The following UBL3 variants were observed in gnomAD, a reference collection of about 807,000 sequenced individuals.
The protein encoded by UBL3 is ubiquitin like 3, also known as ubiquitin-like protein 3.
UBL3 carries 6 observed loss-of-function variants against 18.4 expected under a neutral mutation model. The ratio of observed to expected loss-of-function variants is 0.33; its 90% CI spans 0.18 to 0.64. The LOEUF (loss-of-function observed/expected upper bound fraction) is 0.64. Ranked by LOEUF, UBL3 falls within the 30% of genes least tolerant of loss-of-function variation. The pLI, the probability that UBL3 is intolerant of heterozygous loss-of-function variation, is 0.76. For missense variants in UBL3, 109 were observed against 142.9 expected, an observed-to-expected ratio of 0.76 and a Z score of 1.21; for synonymous variants, 49 against 46.6, an observed-to-expected ratio of 1.05 and a Z score of -0.21.
At chr13:29,823,781 A>G (rs938749097) in intron 1 of UBL3, among the ~76,000 whole-genome samples, 2 of 152,082 alleles carry the variant, frequency 1.3e-5, no homozygotes, top group African/African-American at 2.4e-5. Context: ...ACATGTATAC[A>G]TGTGCCATGT....
At chr13:29,808,858 T>C (rs1269958495) in intron 1 of UBL3, among the ~76,000 whole-genome samples, 2 of 152,148 alleles carry the variant, frequency 1.3e-5, no homozygotes, top group African/African-American at 2.4e-5. Context: ...TTGCATTCAA[T>C]GATCTCCCGT....
At chr13:29,837,543 G>T (rs1210878135) in intron 1 of UBL3, among the ~76,000 whole-genome samples, 1 of 152,178 alleles carries the variant, frequency 6.6e-6, no homozygotes, top group Non-Finnish European at 1.5e-5. Flanking sequence ...CATAAGGAAA[G>T]AAGACAATTG....
intron 1 of UBL3, among the ~76,000 whole-genome samples, chr13:29,833,281 A>C (rs962799058): frequency 3.3e-5 from 5 of 152,234 alleles, no homozygotes; most frequent in Non-Finnish European, 7.3e-5. Context: ...GTCTGGATGG[A>C]GATCGGGTTA....
At chr13:29,834,676 G>A (rs1394181811) in intron 1 of UBL3, among the ~76,000 whole-genome samples, 1 of 152,066 alleles carries the variant, frequency 6.6e-6, no homozygotes, top group African/African-American at 2.4e-5. Context: ...GTTAAGCAAA[G>A]GCAAGAAGCT....
At chr13:29,814,444 T>C (rs1878211708) in intron 1 of UBL3, among the ~76,000 whole-genome samples, 1 of 150,264 alleles carries the variant, frequency 6.7e-6, no homozygotes, top group Non-Finnish European at 1.5e-5. Context: ...TATAGAGATA[T>C]ATAACAACTA....
Position 29,765,198 on chromosome 13 carries a change from TAA to T in UBL3, c.*2055_*2056del, listed in dbSNP as rs1282451639. 1.3e-5 allele frequency: 2 copies of T among 151,986 alleles called. No homozygotes were observed. The highest frequency in any genetic ancestry group is 4.8e-5 in the African/African-American group (2 of 41,410). 9.4% of individuals were successfully genotyped at this position (151,986 alleles called of 1,614,324 possible). ...CTTAATTAACTGATAGTCTTTAACTTAAAAAAAGAGTAATCAGAATGAAAATA... is the reference window on the plus strand; with the variant it reads ...CTTAATTAACTGATAGTCTTTAACTTAAAAAGAGTAATCAGAATGAAAATA... On this transcript the variant is annotated 3_prime_UTR_variant, in exon 5 of 5. Coordinates refer to ENST00000380680, the MANE Select transcript of UBL3 (RefSeq NM_007106.4).
intron 1 of UBL3, among the ~76,000 whole-genome samples, chr13:29,797,377 T>G (rs1877641160): frequency 6.6e-6 from 1 of 152,240 alleles, no homozygotes; most frequent in Non-Finnish European, 1.5e-5. Flanking sequence ...TATAGGAATT[T>G]AATGTCTCTA....
intron 1 of UBL3, among the ~76,000 whole-genome samples, chr13:29,786,894 CAG>C (rs10577289): frequency 0.9 from 136,548 of 152,088 alleles, 61,478 homozygotes; most frequent in East Asian, 0.98. Context: ...TAAGAGAGGT[CAG>C]AGAGTCCTCT....
intron 1 of UBL3, among the ~76,000 whole-genome samples, chr13:29,829,132 G>C (rs1430879454): frequency 6.6e-6 from 1 of 152,162 alleles, no homozygotes; most frequent in Non-Finnish European, 1.5e-5. Context: ...GCTACTAGGG[G>C]GTCAGGGACC....
intron 1 of UBL3, among the ~76,000 whole-genome samples, chr13:29,807,925 T>C (rs1479642579): frequency 6.6e-6 from 1 of 152,206 alleles, no homozygotes; most frequent in Non-Finnish European, 1.5e-5. Context: ...GAATTGTCTA[T>C]TGCTACTTAA....
chr13:29,780,486 T>C (rs1479568495), intron 1 of UBL3, among the ~76,000 whole-genome samples: 1 of 149,232 alleles, frequency 6.7e-6, no homozygotes, highest in African/African-American at 2.5e-5. Context: ...AAGCAGCTTT[T>C]GATAAAATAG....
At chr13:29,803,283 A>C (rs1877817916) in intron 1 of UBL3, among the ~76,000 whole-genome samples, 1 of 152,188 alleles carries the variant, frequency 6.6e-6, no homozygotes, top group African/African-American at 2.4e-5. Flanking sequence ...AAAGGAAAGA[A>C]GACCATTACT....
In UBL3 at chr13:29,850,057, G is replaced by C. The variant is rs1335350817; in HGVS notation, c.-519C>G. 1 of 153,866 alleles carries C rather than the reference G, an allele frequency of 6.5e-6. No homozygotes were observed. The highest frequency in any genetic ancestry group is 1.4e-5 in the Non-Finnish European group (1 of 69,014). 9.5% of individuals were successfully genotyped at this position (153,866 alleles called of 1,614,324 possible). ...GGCGGCCGAGCGGTGGCCGGACGCTGGCCGCGGACCCTGCAGAGCCGCTGT... is the reference window on the plus strand; with the variant it reads ...GGCGGCCGAGCGGTGGCCGGACGCTCGCCGCGGACCCTGCAGAGCCGCTGT... On this transcript the variant is annotated 5_prime_UTR_variant, in exon 1 of 5. Transcript: ENST00000380680.
intron 1 of UBL3, among the ~76,000 whole-genome samples, chr13:29,796,498 A>G (rs1877616991): frequency 6.6e-6 from 1 of 152,184 alleles, no homozygotes; most frequent in Non-Finnish European, 1.5e-5. Flanking sequence ...AATAAACTAA[A>G]CTTATAAAAA....
At chr13:29,823,314 G>C (rs1878522617) in intron 1 of UBL3, among the ~76,000 whole-genome samples, 1 of 152,068 alleles carries the variant, frequency 6.6e-6, no homozygotes, top group Admixed American at 6.5e-5. Context: ...GGCTAATTTT[G>C]TATTTTTAGA....
At chr13:29,849,323 G>A (rs904351326) in intron 1 of UBL3, among the ~76,000 whole-genome samples, 189 bp downstream of exon 1, 1 of 152,154 alleles carries the variant, frequency 6.6e-6, no homozygotes, top group Admixed American at 6.5e-5. Context: ...ACGACCAAAT[G>A]AGAGAACCCA....
intron 1 of UBL3, among the ~76,000 whole-genome samples, chr13:29,808,296 T>A (rs1877947578): frequency 6.6e-6 from 1 of 152,038 alleles, no homozygotes; most frequent in South Asian, 2.1e-4. Context: ...ATGCATACAG[T>A]GCATATATGA....
intron 1 of UBL3, among the ~76,000 whole-genome samples, chr13:29,806,520 A>T (rs948109218): frequency 2.0e-5 from 3 of 152,150 alleles, no homozygotes; most frequent in Non-Finnish European, 4.4e-5. Flanking sequence ...AGTTGTTATT[A>T]ATCATCCATG....
At chr13:29,813,999 A>T (rs1878189243) in intron 1 of UBL3, among the ~76,000 whole-genome samples, 1 of 152,138 alleles carries the variant, frequency 6.6e-6, no homozygotes, top group African/African-American at 2.4e-5. Context: ...AATAATGTTC[A>T]GAGTTACAAA....
Sources: allele counts gnomAD v4.1 joint callset (sites outside exome capture counted in the v4.1 genomes callset), GRCh38; gene constraint gnomAD v4.1.1; transcripts MANE v1.5; gene names NCBI Gene and HGNC (gene_info 2026-07-23, HGNC 2026-07-21).